Variants in TAFA5 observed in about 807,000 individuals in gnomAD.
The protein encoded by TAFA5 is chemokine-like protein TAFA-5.
In TAFA5, 6 loss-of-function variants were observed where a neutral mutation model predicts 15.3. That is an observed-to-expected ratio of 0.39 (90% confidence interval 0.21 to 0.77). The LOEUF (loss-of-function observed/expected upper bound fraction) is 0.77, where lower values mean the gene tolerates loss of function less well. Ranked by LOEUF, TAFA5 falls within the 30% of genes least tolerant of loss-of-function variation. The pLI is 0.41. For synonymous variants in TAFA5, 103 were observed against 80.7 expected (o/e 1.28, Z -1.48); for missense variants, 161 against 193.1 (o/e 0.83, Z 0.98).
intron 1 of TAFA5, among the ~76,000 whole-genome samples, chr22:48,520,778 C>G (rs1169531766): frequency 6.6e-6 from 1 of 152,096 alleles, no homozygotes; most frequent in Non-Finnish European, 1.5e-5. Flanking sequence ...GCTTCCATGT[C>G]CTCTCATCTG....
At chr22:48,565,392 G>A (rs1338049314) in intron 1 of TAFA5, among the ~76,000 whole-genome samples, 5 of 152,264 alleles carry the variant, frequency 3.3e-5, no homozygotes, top group Non-Finnish European at 7.3e-5. Context: ...AGAAGTGGCT[G>A]TGGGGTGATG....
At chr22:48,656,460 C>G (rs1000809338) in intron 2 of TAFA5, among the ~76,000 whole-genome samples, 4 of 151,138 alleles carry the variant, frequency 2.6e-5, no homozygotes, top group African/African-American at 4.9e-5. Flanking sequence ...GAGCCGAGAT[C>G]GCGTCACTGA....
At chr22:48,667,575 G>A (rs890862618) in intron 2 of TAFA5, among the ~76,000 whole-genome samples, 12 of 152,108 alleles carry the variant, frequency 7.9e-5, no homozygotes, top group Admixed American at 2.6e-4. Context: ...CGCGGGCTTC[G>A]CTGGAATCTT....
At chr22:48,723,275 C>T (rs953794324) in intron 3 of TAFA5, among the ~76,000 whole-genome samples, 1 of 152,088 alleles carries the variant, frequency 6.6e-6, no homozygotes. Flanking sequence ...GTGGCATGGG[C>T]GCTTGTTAAA....
At position 48,742,174 on chromosome 22, in the gene TAFA5, A is replaced by T. The variant is rs1930199331; in HGVS notation, c.391-7665A>T. ...CCCACAGGCCCCCTCATCCTTCACC[A>T]GGCACAGCCCTGCCCCACCCCACAG... On this transcript the variant is annotated intron_variant, in intron 3 of 3. Coordinates refer to ENST00000402357, the MANE Select transcript of TAFA5 (RefSeq NM_001082967.3). This position sits in a 1 kb window ranked among gnomAD's most constrained non-coding sequence, Gnocchi z 6.2. 6.7e-6 allele frequency among the ~76,000 whole-genome samples: 1 copy of T among 148,910 alleles called. No homozygotes were observed. The highest frequency in any genetic ancestry group is 2.5e-5 in the African/African-American group (1 of 40,152).
chr22:48,518,463 C>T (rs1291912526), intron 1 of TAFA5, among the ~76,000 whole-genome samples: 1 of 152,230 alleles, frequency 6.6e-6, no homozygotes, highest in Non-Finnish European at 1.5e-5. Flanking sequence ...CTGGGATGTC[C>T]GTCTGTGTCT....
At chr22:48,653,527 C>T (rs573253157) in intron 2 of TAFA5, among the ~76,000 whole-genome samples, 37 of 152,186 alleles carry the variant, frequency 2.4e-4, no homozygotes, top group Non-Finnish European at 3.4e-4. Flanking sequence ...ATGGCTGTGG[C>T]GTGAGGGTAC....
chr22:48,662,619 G>A (rs553729159), intron 2 of TAFA5, among the ~76,000 whole-genome samples: 13 of 152,322 alleles, frequency 8.5e-5, no homozygotes, highest in African/African-American at 2.4e-4. Context: ...GGCACACGTG[G>A]AGCATCTGTT....
At chr22:48,741,759 C>A (rs1216990513) in intron 3 of TAFA5, among the ~76,000 whole-genome samples, 1 of 152,190 alleles carries the variant, frequency 6.6e-6, no homozygotes, top group Non-Finnish European at 1.5e-5. Flanking sequence ...GGATCCCAGA[C>A]GTCCAGCCTC....
At chr22:48,665,793 G>T (rs191781168) in intron 2 of TAFA5, among the ~76,000 whole-genome samples, 4 of 152,122 alleles carry the variant, frequency 2.6e-5, no homozygotes, top group Admixed American at 2.6e-4. Context: ...GAGATCACAC[G>T]CAGATTCCTA....
rs557065325 is a variant in TAFA5 at position 48,598,330 on chromosome 22, A to C, written c.113-48267A>C. ...GAAAAATCCAGAATCATTTGACCAA[A>C]CCTGTGGGCACTGTGGCTCCGTCAA... On this transcript the variant is annotated intron_variant, in intron 1 of 3. Transcript: ENST00000402357. This position sits in a 1 kb window ranked among gnomAD's most constrained non-coding sequence, Gnocchi z 4.0. 6.6e-6 allele frequency among the ~76,000 whole-genome samples: 1 copy of C among 152,030 alleles called. No individual in the cohort carries two copies. Among genetic ancestry groups the C allele is most frequent in the Non-Finnish European group, 1.5e-5 (1 of 68,002 alleles).
At chr22:48,707,176 A>G (rs130138) in intron 2 of TAFA5, among the ~76,000 whole-genome samples, 98,837 of 150,574 alleles carry the variant, frequency 0.66, 32,993 homozygotes, top group Non-Finnish European at 0.72. Context: ...ACGAGGCGGG[A>G]GTAGGATGGG....
intron 1 of TAFA5, among the ~76,000 whole-genome samples, chr22:48,624,410 G>C (rs1925955262): frequency 6.6e-6 from 1 of 152,018 alleles, no homozygotes; most frequent in Non-Finnish European, 1.5e-5. Flanking sequence ...CACTTATGGA[G>C]TGGGGGAGGG....
In TAFA5 at chr22:48,489,639, T is replaced by C; in HGVS notation, c.47T>C (p.Leu16Pro). 6.6e-7 allele frequency: 1 copy of C among 1,525,228 alleles called. No individual in the cohort carries two copies. The highest frequency in any genetic ancestry group is 1.2e-5 in the South Asian group (1 of 82,198). 94.5% of individuals were successfully genotyped at this position (1,525,228 alleles called of 1,614,324 possible). ...GGCAGCCGGCAAGATGCGACCGCCCTGCCCAGCATGTCCTCAACTTTCTGG... is the reference window on the plus strand; with the variant it reads ...GGCAGCCGGCAAGATGCGACCGCCCCGCCCAGCATGTCCTCAACTTTCTGG... Reference protein sequence around the residue: ...RTGSRQDATALPSMSSTFWAF... With the variant: ...RTGSRQDATAPPSMSSTFWAF... Residue 16 changes from leucine to proline, a missense_variant, in exon 1 of 4, where the codon CTG becomes CCG. Physicochemically the swap from Leu to Pro is moderately conservative, Grantham distance 98. Coordinates refer to ENST00000402357, the MANE Select transcript of TAFA5 (RefSeq NM_001082967.3). This position sits in a 1 kb window ranked among gnomAD's most constrained non-coding sequence, Gnocchi z 5.5.
At chr22:48,689,772 G>A (rs1159088895) in intron 2 of TAFA5, among the ~76,000 whole-genome samples, 2 of 152,282 alleles carry the variant, frequency 1.3e-5, no homozygotes, top group South Asian at 2.1e-4. Context: ...TGATGGGCTG[G>A]TATCATTGGC....
In TAFA5 at chr22:48,592,137, G is replaced by T. The variant is rs185123878; in HGVS notation, c.113-54460G>T. 5.6e-4 allele frequency among the ~76,000 whole-genome samples: 85 copies of T among 152,354 alleles called. No homozygotes were observed. The East Asian group carries it at 0.016, about 29-fold the overall frequency. On this transcript the variant is annotated intron_variant, in intron 1 of 3. Coordinates refer to ENST00000402357, the MANE Select transcript of TAFA5 (RefSeq NM_001082967.3). ...TGAGGCCTGGGCCTGAGCCACGGGT[G>T]GAGTTGCTGTTGTGGTCAGTGACCC...
At chr22:48,650,009 ATTAGTTAGC>A (rs999652777) in intron 2 of TAFA5, among the ~76,000 whole-genome samples, 1 of 152,086 alleles carries the variant, frequency 6.6e-6, no homozygotes, top group Non-Finnish European at 1.5e-5. Flanking sequence ...GGCCAAACAA[ATTAGTTAGC>A]TTAGTTAGCT....
intron 2 of TAFA5, among the ~76,000 whole-genome samples, chr22:48,670,243 G>A (rs1270452723): frequency 1.3e-5 from 2 of 152,210 alleles, no homozygotes; most frequent in Non-Finnish European, 2.9e-5. Context: ...CTTAATGGTG[G>A]TTTTTATGGT....
intron 3 of TAFA5, among the ~76,000 whole-genome samples, chr22:48,730,605 C>A (rs1929844059): frequency 6.6e-6 from 1 of 152,184 alleles, no homozygotes; most frequent in Non-Finnish European, 1.5e-5. Flanking sequence ...CTTTGTGTCT[C>A]TGTGTCACGT....
Sources: gnomAD v4.1 joint callset for allele counts (sites outside exome capture counted in the v4.1 genomes callset) on GRCh38, gnomAD v4.1.1 for gene constraint, Gnocchi (gnomAD v3.1) non-coding constraint, MANE v1.5 for transcripts, NCBI Gene and HGNC (gene_info 2026-07-23, HGNC 2026-07-21) for gene names.